The following LGSN variants were observed in gnomAD, a reference collection of about 807,000 sequenced individuals.
LGSN encodes the protein lengsin.
A neutral mutation model predicts 19.5 loss-of-function variants in LGSN; 21 were observed. The ratio of observed to expected loss-of-function variants is 1.07; its 90% CI spans 0.76 to 1.55. LGSN has a LOEUF of 1.55. Ranked by LOEUF, LGSN falls within the 40% of genes most tolerant of loss-of-function variation. The pLI, the probability that LGSN is intolerant of heterozygous loss-of-function variation, is 0.00. For missense variants in LGSN, 673 were observed against 608.5 expected (o/e 1.11, Z -1.12); for synonymous variants, 257 against 215.6 (o/e 1.19, Z -1.68).
chr6:63,429,289 A>C, the LGSN span, among the ~76,000 whole-genome samples: 3 of 152,198 alleles, frequency 2.0e-5, no homozygotes, highest in Non-Finnish European at 4.4e-5. Context: ...CATTGATAAA[A>C]TCCTTTCCTC....
the LGSN span, among the ~76,000 whole-genome samples, chr6:63,330,164 A>G: frequency 3.9e-5 from 6 of 152,256 alleles, no homozygotes; most frequent in East Asian, 1.9e-4. Flanking sequence ...CATAGTGGAC[A>G]TGGACGAGGG....
chr6:63,353,905 G>A, the LGSN span, among the ~76,000 whole-genome samples: 3 of 152,124 alleles, frequency 2.0e-5, no homozygotes, highest in South Asian at 2.1e-4. Flanking sequence ...AAGGGACACC[G>A]TCTTCAATAA....
chr6:63,477,903 TC>T, the LGSN span, among the ~76,000 whole-genome samples: 2 of 151,810 alleles, frequency 1.3e-5, no homozygotes, highest in African/African-American at 2.4e-5. Flanking sequence ...AGTGGCTGTT[TC>T]TTTGGTTTCA....
chr6:63,502,185 C>G, the LGSN span, among the ~76,000 whole-genome samples: 1 of 152,174 alleles, frequency 6.6e-6, no homozygotes, highest in Non-Finnish European at 1.5e-5. Flanking sequence ...CCTTAACCAC[C>G]TCAAGATAAG....
the LGSN span, chr6:63,396,304 T>C: frequency 4.7e-6 from 1 of 210,814 alleles, no homozygotes. Context: ...AGGTCCCCTC[T>C]GTGACAGCAG....
the LGSN span, among the ~76,000 whole-genome samples, chr6:63,342,686 A>G: frequency 6.6e-6 from 1 of 152,258 alleles, no homozygotes; most frequent in African/African-American, 2.4e-5. Context: ...TATTCTATAT[A>G]GGAAGGTTTG....
the LGSN span, among the ~76,000 whole-genome samples, chr6:63,428,532 G>T: frequency 6.6e-6 from 1 of 151,888 alleles, no homozygotes; most frequent in Non-Finnish European, 1.5e-5. Context: ...TGTATTTTTA[G>T]TAGAGACGGG....
chr6:63,290,548 A>T (rs1358094681), intron 2 of LGSN, among the ~76,000 whole-genome samples: 1 of 152,190 alleles, frequency 6.6e-6, no homozygotes, highest in East Asian at 1.9e-4. Context: ...TCTTGAGTTC[A>T]AATTTATTTT....
chr6:63,485,190 C>T, the LGSN span, among the ~76,000 whole-genome samples: 2 of 152,254 alleles, frequency 1.3e-5, no homozygotes, highest in East Asian at 3.9e-4. Context: ...TCCTCCCACC[C>T]TCTACCCTCC....
At chr6:63,395,724 A>T in the LGSN span, 1 of 148,808 alleles carries the variant, frequency 6.7e-6, no homozygotes, top group Admixed American at 6.8e-5. Flanking sequence ...CTGGAGAACT[A>T]GGGTCTGGGG....
the LGSN span, among the ~76,000 whole-genome samples, chr6:63,447,048 T>C: frequency 5.9e-5 from 9 of 152,278 alleles, no homozygotes; most frequent in South Asian, 1.9e-3. Context: ...AAACTCCGTC[T>C]CAAAAAAATT....
At chr6:63,520,939 T>C in the LGSN span, among the ~76,000 whole-genome samples, 1 of 152,152 alleles carries the variant, frequency 6.6e-6, no homozygotes, top group East Asian at 1.9e-4. Flanking sequence ...TGCAGGGACA[T>C]GGATGAAGCT....
the LGSN span, among the ~76,000 whole-genome samples, chr6:63,459,451 C>T: frequency 6.6e-6 from 1 of 152,032 alleles, no homozygotes; most frequent in East Asian, 1.9e-4. Flanking sequence ...TATAGGATCT[C>T]ACTATGTTGA....
At chr6:63,512,209 A>G in the LGSN span, among the ~76,000 whole-genome samples, 1 of 151,816 alleles carries the variant, frequency 6.6e-6, no homozygotes, top group African/African-American at 2.4e-5. Context: ...CAGCCTCCCG[A>G]GTAGCTGGGA....
At chr6:63,505,566 A>AAAAGAAAGAAAGAGAAAGT in the LGSN span, among the ~76,000 whole-genome samples, 1 of 21,846 alleles carries the variant, frequency 4.6e-5, no homozygotes, top group African/African-American at 9.0e-5. Context: ...AAAAAAAAAA[A>AAAAGAAAGAAAGAGAAAGT]AAGAAAGAAA....
the LGSN span, among the ~76,000 whole-genome samples, chr6:63,541,547 A>T: frequency 6.6e-6 from 1 of 152,138 alleles, no homozygotes; most frequent in African/African-American, 2.4e-5. Context: ...TGTCTCAAGA[A>T]AAACAATTTA....
At chr6:63,402,235 G>A in the LGSN span, among the ~76,000 whole-genome samples, 1 of 152,150 alleles carries the variant, frequency 6.6e-6, no homozygotes, top group African/African-American at 2.4e-5. Context: ...AGTAAATCCT[G>A]CACTCTTGTG....
the LGSN span, among the ~76,000 whole-genome samples, chr6:63,416,932 TAC>T: frequency 0.087 from 12,870 of 147,808 alleles, 1,000 homozygotes; most frequent in African/African-American, 0.21. Context: ...CATATGTATG[TAC>T]ACACACACAC....
intron 1 of LGSN, among the ~76,000 whole-genome samples, chr6:63,309,676 A>G (rs1562017594): frequency 6.6e-6 from 1 of 152,232 alleles, no homozygotes; most frequent in Non-Finnish European, 1.5e-5. Context: ...TAGCTAATTA[A>G]ATATGCATTA....
Sources: gnomAD v4.1 joint callset for allele counts (sites outside exome capture counted in the v4.1 genomes callset) on GRCh38, gnomAD v4.1.1 for gene constraint, MANE v1.5 for transcripts, NCBI Gene and HGNC (gene_info 2026-07-23, HGNC 2026-07-21) for gene names.